The following PPP2R5C variants were observed in gnomAD, a reference collection of about 807,000 sequenced individuals.
PPP2R5C encodes serine/threonine-protein phosphatase 2A 56 kDa regulatory subunit gamma isoform.
A neutral mutation model predicts 68.9 loss-of-function variants in PPP2R5C; 7 were observed. That is an observed-to-expected ratio of 0.10 (90% confidence interval 0.06 to 0.19). The LOEUF is 0.19. Ranked by LOEUF, PPP2R5C falls within the 10% of genes least tolerant of loss-of-function variation. PPP2R5C has a pLI of 1.00. For synonymous variants in PPP2R5C, 210 were observed against 222.2 expected, an observed-to-expected ratio of 0.95 and a Z score of 0.49; for missense variants, 348 against 641.3, an observed-to-expected ratio of 0.54 and a Z score of 4.94.
exon 8 of PPP2R5C, chr14:101,894,524 G>T (rs1415055685): frequency 1.2e-6 from 2 of 1,614,018 alleles, no homozygotes; most frequent in Non-Finnish European, 1.7e-6. Context: ...ACTGTGTAGT[G>T]CAGTTTTTAG....
chr14:101,925,520 TC>T, exon 14 of PPP2R5C: 1 of 445,110 alleles, frequency 2.2e-6, no homozygotes. Context: ...CCCAGCGTAG[TC>T]CAAGTCAGAC....
At chr14:101,868,817 C>T (rs1160492277) in intron 2 of PPP2R5C, among the ~76,000 whole-genome samples, 1 of 152,150 alleles carries the variant, frequency 6.6e-6, no homozygotes, top group Admixed American at 6.5e-5. Flanking sequence ...GAAATTCACT[C>T]TTTCTTGTGG....
chr14:101,841,409 G>A (rs760498409), intron 1 of PPP2R5C, among the ~76,000 whole-genome samples: 1 of 152,220 alleles, frequency 6.6e-6, no homozygotes, highest in Non-Finnish European at 1.5e-5. Flanking sequence ...GAAGTACTGT[G>A]TACAGAAAAG....
chr14:101,927,483 C>T (rs757571056), exon 14 of PPP2R5C: 7 of 152,620 alleles, frequency 4.6e-5, no homozygotes, highest in Non-Finnish European at 8.8e-5. Context: ...TTCAAAAGTA[C>T]TACATTGAAA....
rs1167755090 is a variant in PPP2R5C, at chr14:101,781,862, C to T, written c.94-4156C>T. Among the ~76,000 whole-genome samples the T allele has an allele frequency of 6.6e-6, 1 of 151,880 alleles. No individual in the cohort carries two copies. The highest frequency in any genetic ancestry group is 2.4e-5 in the African/African-American group (1 of 41,342). On this transcript the variant is annotated intron_variant, in intron 2 of 14. Transcript: ENST00000328724. This position sits in a 1 kb window ranked among gnomAD's most constrained non-coding sequence, Gnocchi z 6.4. ...CTTCATCCTCCAGCCGTGGCCGTGGCCGTGGCCAGGTGTACCGGAGCGGCA... is the reference window on the plus strand; with the variant it reads ...CTTCATCCTCCAGCCGTGGCCGTGGTCGTGGCCAGGTGTACCGGAGCGGCA...
At chr14:101,895,567 C>A (rs1414421975) in intron 8 of PPP2R5C, among the ~76,000 whole-genome samples, 1 of 152,142 alleles carries the variant, frequency 6.6e-6, no homozygotes, top group African/African-American at 2.4e-5. Flanking sequence ...AATCATAAAA[C>A]GCTTGTCCTT....
At chr14:101,818,961 T>TA in intron 1 of PPP2R5C, 2 of 1,477,854 alleles carry the variant, frequency 1.4e-6, no homozygotes, top group Non-Finnish European at 9.3e-7. Context: ...TTTTAACTTA[T>TA]AACTTATGAA....
rs1306357779 is a variant in PPP2R5C at position 101,891,049 on chromosome 14, GGCATGA to G, written c.689+756_689+761del. On this transcript the variant is annotated intron_variant, in intron 6 of 13. Transcript: ENST00000334743. The surrounding 1 kb of genome is among the most constrained non-coding windows in gnomAD (Gnocchi z 4.9). ...CACCTCCCAAAGTGCTGAGATTACA[GGCATGA>G]GCCACCACGCCCGGCCACTTTTATT... Among the ~76,000 whole-genome samples, 15 of 152,096 alleles carry G rather than the reference GGCATGA, an allele frequency of 9.9e-5. No homozygotes were observed. The highest frequency in any genetic ancestry group is 3.6e-4 in the African/African-American group (15 of 41,418).
At chr14:101,883,146 G>T in intron 3 of PPP2R5C, 111 bp from the exon 6 acceptor site, 4 of 695,102 alleles carry the variant, frequency 5.8e-6, no homozygotes, top group Non-Finnish European at 9.4e-6. Flanking sequence ...TAGATATGTG[G>T]CTTTGAGAGG....
chr14:101,861,809 G>T lies in PPP2R5C; in HGVS notation c.294+4924G>T, dbSNP rs1169536968. ...CAGTTATTCGGACTTTGAATATTTG[G>T]CAGGCATCTTCTGAAAAAATAAGCA... On this transcript the variant is annotated intron_variant, in intron 2 of 13. Transcript: ENST00000334743. Among the ~76,000 whole-genome samples the T allele has an allele frequency of 3.9e-5, 6 of 152,128 alleles. No individual in the cohort carries two copies. In the South Asian group the frequency reaches 1.0e-3, roughly 26 times the overall value.
chr14:101,867,660 C>A (rs559232660), intron 2 of PPP2R5C, among the ~76,000 whole-genome samples: 3 of 151,898 alleles, frequency 2.0e-5, no homozygotes, highest in Non-Finnish European at 4.4e-5. Flanking sequence ...CACCTGTAGT[C>A]CCAGCTACTC....
chr14:101,868,203 T>TG (rs1328280792), intron 2 of PPP2R5C, among the ~76,000 whole-genome samples: 20 of 152,256 alleles, frequency 1.3e-4, no homozygotes, highest in Admixed American at 3.9e-4. Context: ...CAAATTTATT[T>TG]CAAGTGAGGA....
intron 1 of PPP2R5C, among the ~76,000 whole-genome samples, chr14:101,851,541 C>T (rs775921256): frequency 1.3e-5 from 2 of 152,164 alleles, no homozygotes; most frequent in South Asian, 2.1e-4. Flanking sequence ...GTGAATATTA[C>T]GTGAGTGACC....
At chr14:101,872,380 G>C (rs1301520368) in intron 2 of PPP2R5C, among the ~76,000 whole-genome samples, 6 of 151,840 alleles carry the variant, frequency 4.0e-5, no homozygotes, top group Non-Finnish European at 7.4e-5. Flanking sequence ...TGGGATGACA[G>C]GCACATGCCA....
intron 1 of PPP2R5C, chr14:101,819,091 T>C (rs1391660386): frequency 1.3e-6 from 2 of 1,535,304 alleles, no homozygotes; most frequent in East Asian, 4.9e-5. Context: ...AAGAGGTGGG[T>C]GGTGAGGGTG....
At chr14:101,909,288 A>G (rs1013705796) in intron 10 of PPP2R5C, among the ~76,000 whole-genome samples, 1 of 152,196 alleles carries the variant, frequency 6.6e-6, no homozygotes, top group Non-Finnish European at 1.5e-5. Context: ...TGTCTTAACT[A>G]TATTTGTTCA....
chr14:101,872,219 C>CTTTTTTT lies in PPP2R5C; in HGVS notation c.295-9926_295-9920dup, dbSNP rs386382344. Among the ~76,000 whole-genome samples, 150 of 91,166 alleles carry CTTTTTTT rather than the reference C, an allele frequency of 1.6e-3. 10 individuals are homozygous for CTTTTTTT. The highest frequency in any genetic ancestry group is 6.7e-3 in the African/African-American group (131 of 19,456). 59.8% of individuals were successfully genotyped at this position (91,166 alleles called of 152,430 possible). On this transcript the variant is annotated intron_variant, in intron 2 of 13. Coordinates refer to ENST00000334743, the Ensembl canonical transcript of PPP2R5C. ...TGCAAAAGCCTTTCTTTTCTTTTGC[C>CTTTTTTT]TTTTTTTTTTTTTTTTTTTTTTGAG...
intron 1 of PPP2R5C, 85 bp downstream of exon 1, chr14:101,762,005 G>A: frequency 8.8e-7 from 1 of 1,139,032 alleles, no homozygotes; most frequent in Non-Finnish European, 1.1e-6. Context: ...CCTGCGCCCG[G>A]GCCCCGGCTC....
At chr14:101,876,769 AC>A (rs1334563528) in intron 2 of PPP2R5C, among the ~76,000 whole-genome samples, 2 of 152,168 alleles carry the variant, frequency 1.3e-5, no homozygotes, top group Non-Finnish European at 2.9e-5. Flanking sequence ...GTATGCACTC[AC>A]GTGCGTGCCA....
Sources: allele counts gnomAD v4.1 joint callset (sites outside exome capture counted in the v4.1 genomes callset), GRCh38; gene constraint gnomAD v4.1.1; non-coding constraint Gnocchi (gnomAD v3.1); transcripts MANE v1.5; gene names NCBI Gene and HGNC (gene_info 2026-07-23, HGNC 2026-07-21).